Variants in GABRB2 observed in about 807,000 individuals in gnomAD.
The protein encoded by GABRB2 is gamma-aminobutyric acid receptor subunit beta-2.
Under a neutral mutation model 54.7 loss-of-function variants are expected in GABRB2, and 16 were observed. That is an observed-to-expected ratio of 0.29 (90% confidence interval 0.20 to 0.44). The LOEUF is 0.44. Ranked by LOEUF, GABRB2 falls within the 20% of genes least tolerant of loss-of-function variation. The pLI, the probability that GABRB2 is intolerant of heterozygous loss-of-function variation, is 1.00. For missense variants in GABRB2, 355 were observed against 644.0 expected (o/e 0.55, Z 4.86); for synonymous variants, 244 against 233.8 (o/e 1.04, Z -0.40).
chr5:161,366,913 A>C (rs1384217739), intron 5 of GABRB2, among the ~76,000 whole-genome samples: 2 of 152,172 alleles, frequency 1.3e-5, no homozygotes, highest in African/African-American at 2.4e-5. Flanking sequence ...GCACCAATGC[A>C]CTCCAGCCTG....
intron 5 of GABRB2, among the ~76,000 whole-genome samples, chr5:161,361,437 C>T (rs1754806567): frequency 6.6e-6 from 1 of 151,882 alleles, no homozygotes; most frequent in African/African-American, 2.4e-5. Context: ...TGATTTGATC[C>T]AGACATATCT....
At chr5:161,402,703 A>G (rs1361707855) in intron 5 of GABRB2, among the ~76,000 whole-genome samples, 1 of 152,174 alleles carries the variant, frequency 6.6e-6, no homozygotes, top group Non-Finnish European at 1.5e-5. Context: ...CAGTATCTGT[A>G]TGGCCTGGGA....
At chr5:161,438,175 C>G (rs1355716863) in intron 4 of GABRB2, among the ~76,000 whole-genome samples, 1 of 152,128 alleles carries the variant, frequency 6.6e-6, no homozygotes, top group Non-Finnish European at 1.5e-5. Flanking sequence ...TCACTCCACC[C>G]CCAGCTTGAG....
intron 8 of GABRB2, among the ~76,000 whole-genome samples, chr5:161,328,883 C>T (rs1438579283): frequency 6.6e-6 from 1 of 151,998 alleles, no homozygotes; most frequent in Non-Finnish European, 1.5e-5. Flanking sequence ...GAAAATGACC[C>T]TGTTTTGAGA....
intron 3 of GABRB2, among the ~76,000 whole-genome samples, chr5:161,540,730 G>A (rs1360340292): frequency 6.6e-6 from 1 of 152,116 alleles, no homozygotes; most frequent in South Asian, 2.1e-4. Context: ...CATGAAAACA[G>A]CATTAATCTC....
intron 5 of GABRB2, among the ~76,000 whole-genome samples, chr5:161,375,271 G>T (rs1381622540): frequency 6.6e-6 from 1 of 152,238 alleles, no homozygotes; most frequent in Non-Finnish European, 1.5e-5. Flanking sequence ...AATTGGCCAG[G>T]GGACTAAATC....
intron 5 of GABRB2, among the ~76,000 whole-genome samples, chr5:161,383,725 T>C (rs1405879370): frequency 6.6e-6 from 1 of 152,208 alleles, no homozygotes; most frequent in Non-Finnish European, 1.5e-5. Context: ...TCCAACCCTC[T>C]TCCCCCACCA....
At chr5:161,411,341 T>G (rs1756510789) in intron 4 of GABRB2, among the ~76,000 whole-genome samples, 1 of 152,184 alleles carries the variant, frequency 6.6e-6, no homozygotes, top group African/African-American at 2.4e-5. Context: ...CAGCATGTGT[T>G]GGGGAGAGGT....
At chr5:161,447,627 C>T (rs898224789) in intron 4 of GABRB2, among the ~76,000 whole-genome samples, 1 of 152,154 alleles carries the variant, frequency 6.6e-6, no homozygotes, top group African/African-American at 2.4e-5. Flanking sequence ...GAGTCATTAA[C>T]CTATTACACC....
chr5:161,309,043 C>T (rs1334186141), intron 9 of GABRB2, among the ~76,000 whole-genome samples: 1 of 152,012 alleles, frequency 6.6e-6, no homozygotes, highest in African/African-American at 2.4e-5. Context: ...TCCTGCACGG[C>T]AAACAAAACT....
chr5:161,535,583 G>C (rs1401598150), intron 3 of GABRB2, among the ~76,000 whole-genome samples: 2 of 152,204 alleles, frequency 1.3e-5, no homozygotes, highest in African/African-American at 4.8e-5. Flanking sequence ...GCAGTCATTT[G>C]CTAGCTATGT....
chr5:161,293,991 CT>C lies in GABRB2; in HGVS notation c.*89del. The C allele has an allele frequency of 1.0e-6, 1 of 1,002,934 alleles. No individual in the cohort carries two copies. Among genetic ancestry groups the C allele is most frequent in the Non-Finnish European group, 1.5e-6 (1 of 670,182 alleles). The allele number at this position is 1,002,934 out of a possible 1,614,324, so 62.1% of individuals were successfully genotyped here. ...AAGGTATTTTAGCGTCACTTTTGTCCTGGATTGATGTGTTTTCCAAGTCCTA... is the reference window on the plus strand; with the variant it reads ...AAGGTATTTTAGCGTCACTTTTGTCCGGATTGATGTGTTTTCCAAGTCCTA... On this transcript the variant is annotated 3_prime_UTR_variant, in exon 10 of 10. Transcript: ENST00000393959.
chr5:161,353,743 T>C (rs1754538416), intron 5 of GABRB2, among the ~76,000 whole-genome samples: 1 of 151,960 alleles, frequency 6.6e-6, no homozygotes, highest in Admixed American at 6.6e-5. Flanking sequence ...AAATCAACTG[T>C]TTTTATTAGT....
intron 4 of GABRB2, among the ~76,000 whole-genome samples, chr5:161,421,138 T>C (rs1756835402): frequency 6.6e-6 from 1 of 152,198 alleles, no homozygotes; most frequent in Non-Finnish European, 1.5e-5. Flanking sequence ...TTAATTGCTA[T>C]TTTCTAGGCA....
At chr5:161,506,961 C>T (rs180826039) in intron 3 of GABRB2, among the ~76,000 whole-genome samples, 40 of 152,192 alleles carry the variant, frequency 2.6e-4, no homozygotes, top group Admixed American at 2.0e-3. Flanking sequence ...CACAGGAGAA[C>T]GTCTCCAGAA....
intron 9 of GABRB2, among the ~76,000 whole-genome samples, chr5:161,312,078 AAGGTACTGACTAAACCCTC>A (rs1757887037): frequency 6.6e-6 from 1 of 151,922 alleles, no homozygotes; most frequent in African/African-American, 2.4e-5. Flanking sequence ...AATCTCAACC[AAGGTACTGACTAAACCCTC>A]AGGGGAGTCT....
intron 5 of GABRB2, among the ~76,000 whole-genome samples, chr5:161,378,255 A>C (rs1203620412): frequency 6.6e-6 from 1 of 152,152 alleles, no homozygotes; most frequent in African/African-American, 2.4e-5. Flanking sequence ...GAGACTTAAG[A>C]AGGCTAAATT....
chr5:161,393,577 T>C (rs1414748702), intron 5 of GABRB2, among the ~76,000 whole-genome samples: 1 of 151,968 alleles, frequency 6.6e-6, no homozygotes, highest in African/African-American at 2.4e-5. Flanking sequence ...ATATTTATTA[T>C]GCAAAAAGTA....
chr5:161,542,917 C>T (rs1299576126), intron 3 of GABRB2, among the ~76,000 whole-genome samples: 1 of 152,214 alleles, frequency 6.6e-6, no homozygotes, highest in East Asian at 1.9e-4. Context: ...AATTTCCCAT[C>T]TGTTGCTTCA....
Sources: allele counts gnomAD v4.1 joint callset (sites outside exome capture counted in the v4.1 genomes callset), GRCh38; gene constraint gnomAD v4.1.1; transcripts MANE v1.5; gene names NCBI Gene and HGNC (gene_info 2026-07-23, HGNC 2026-07-21).